VPS54: variants seen among roughly 807,000 people sequenced by gnomAD.
The protein encoded by VPS54 is vacuolar protein sorting-associated protein 54.
In VPS54, 45 loss-of-function variants were observed where a neutral mutation model predicts 121.5. The ratio of observed to expected loss-of-function variants is 0.37; its 90% CI spans 0.29 to 0.47. VPS54 has a LOEUF of 0.47. Ranked by LOEUF, VPS54 falls within the 20% of genes least tolerant of loss-of-function variation. The probability of loss-of-function intolerance (pLI) is 0.99; values close to 1 mark genes in which losing one functional copy is unlikely to be tolerated. For missense variants in VPS54, 1,090 were observed against 1,131.4 expected, an observed-to-expected ratio of 0.96 and a Z score of 0.52; for synonymous variants, 371 against 385.8, an observed-to-expected ratio of 0.96 and a Z score of 0.45.
At chr2:63,964,413 A>AC (rs1675897202) in intron 6 of VPS54, among the ~76,000 whole-genome samples, 1 of 152,166 alleles carries the variant, frequency 6.6e-6, no homozygotes, top group African/African-American at 2.4e-5. Context: ...AAAGGAAATA[A>AC]TTTTTAAATT....
At chr2:63,912,697 TA>T (rs761865686) in intron 18 of VPS54, 36 bp from the exon 19 acceptor site, 107,329 of 973,656 alleles carry the variant, frequency 0.11, 19 homozygotes, top group East Asian at 0.16. Context: ...AATGGAGAAA[TA>T]AAAAAAAAAA....
At chr2:63,981,382 C>T (rs1484359359) in intron 3 of VPS54, among the ~76,000 whole-genome samples, 6 of 152,074 alleles carry the variant, frequency 3.9e-5, no homozygotes, top group Non-Finnish European at 8.8e-5. Flanking sequence ...GAATCATTTT[C>T]TCCTTGGTAA....
chr2:63,978,562 A>G (rs915896580), intron 3 of VPS54, among the ~76,000 whole-genome samples: 2 of 152,226 alleles, frequency 1.3e-5, no homozygotes, highest in African/African-American at 4.8e-5. Flanking sequence ...TTCTTTGTGG[A>G]AAGGTATTTA....
At position 63,972,207 on chromosome 2, in the gene VPS54, G is replaced by A. The variant is rs1476069681; in HGVS notation, c.416C>T (p.Pro139Leu). 1 of 1,595,426 alleles carries A rather than the reference G, an allele frequency of 6.3e-7. No individual in the cohort carries two copies. Among genetic ancestry groups the A allele is most frequent in the Non-Finnish European group, 8.6e-7 (1 of 1,167,394 alleles). Residue 139 changes from proline (P) to leucine (L), a missense_variant, in exon 4 of 23, where the codon CCT (proline) becomes CTT (leucine). Transcript: ENST00000272322. The part of the protein sequence containing the change: ...KIHERCKNIC[P>L]PKDTFERTLL... ...AGTCCTTTCGAAGGTATCTTTAGGA[G>A]GACAAATATTCTTGCATCTCTCATG...
Position 64,019,076 on chromosome 2 carries a change from C to A in VPS54, c.-159G>T. 6.6e-6 allele frequency: 1 copy of A among 151,140 alleles called. No individual in the cohort carries two copies. Among genetic ancestry groups the A allele is most frequent in the South Asian group, 1.8e-4 (1 of 5,508 alleles). 9.4% of individuals were successfully genotyped at this position (151,140 alleles called of 1,614,324 possible). Reference sequence around the variant, plus strand: ...CCGGGCCCGAGCCCGGGTTCCCGCCCCCGCCCCGCGCCCGCTGGCCAGTCG... The same window carrying A: ...CCGGGCCCGAGCCCGGGTTCCCGCCACCGCCCCGCGCCCGCTGGCCAGTCG... On this transcript the variant is annotated 5_prime_UTR_variant, in exon 1 of 23. Transcript: ENST00000272322.
In VPS54 at chr2:63,965,861, C is replaced by T. The variant is rs1675969018; in HGVS notation, c.598G>A (p.Ala200Thr). 6.2e-7 allele frequency: 1 copy of T among 1,611,942 alleles called. No homozygotes were observed. Among genetic ancestry groups the T allele is most frequent in the African/African-American group, 1.3e-5 (1 of 74,828 alleles). The change falls in exon 6 of 23, where the codon GCT becomes ACT. Residue 200 changes from alanine (A) to threonine (T), a missense_variant. Physicochemically the swap from Ala to Thr is moderately conservative, Grantham distance 58. This residue lies in a region of VPS54 where 801 missense variants were observed against 757.0 expected (regional missense o/e 1.06). Coordinates refer to ENST00000272322, the MANE Select transcript of VPS54 (RefSeq NM_016516.3). Reference protein sequence around the residue: ...TAGGKGNRDAASSKLLQEKLS... With the variant: ...TAGGKGNRDATSSKLLQEKLS... ...TTTTCTTGAAGCAACTTTGAGGAAG[C>T]TGCATCACGATTTCCTTTTCCACCA...
At position 64,005,089 on chromosome 2, in the gene VPS54, C is replaced by CTTTTTTTTTTT. The variant is rs764515091; in HGVS notation, c.-21+13838_-21+13848dup. On this transcript the variant is annotated intron_variant, in intron 1 of 22. Transcript: ENST00000272322. Reference sequence around the variant, plus strand: ...TACCATGCCCAGTCTACTATTGCTTCTTTTTTTTTTTTTTTTTTTTTTTTT... The same window carrying CTTTTTTTTTTT: ...TACCATGCCCAGTCTACTATTGCTTCTTTTTTTTTTTTTTTTTTTTTTTTTTTTTTTTTTTT... 3.2e-3 allele frequency among the ~76,000 whole-genome samples: 143 copies of CTTTTTTTTTTT among 44,114 alleles called. 21 individuals carry two copies. The highest frequency in any genetic ancestry group is 5.3e-3 in the South Asian group (4 of 760). The allele number at this position is 44,114 out of a possible 152,430, so 28.9% of individuals were successfully genotyped here. A position where few individuals can be genotyped will look rare whatever the true frequency, so the allele number is the denominator to read the frequency against.
At chr2:63,938,082 G>GTGTGTGTGTGTGTC (rs1674545056) in intron 11 of VPS54, among the ~76,000 whole-genome samples, 1 of 151,430 alleles carries the variant, frequency 6.6e-6, no homozygotes, top group Non-Finnish European at 1.5e-5. Flanking sequence ...GTGTGTGTGT[G>GTGTGTGTGTGTGTC]TGTCTAGACA....
At chr2:63,996,939 T>TC (rs1355996958) in intron 1 of VPS54, among the ~76,000 whole-genome samples, 1 of 152,090 alleles carries the variant, frequency 6.6e-6, no homozygotes, top group Non-Finnish European at 1.5e-5. Context: ...ATACACTCCC[T>TC]CCCCTTTGAA....
At chr2:63,937,754 T>C (rs78552564) in intron 11 of VPS54, among the ~76,000 whole-genome samples, 4,777 of 152,182 alleles carry the variant, frequency 0.031, 254 homozygotes, top group African/African-American at 0.11. Flanking sequence ...CAAATGTCCA[T>C]TGATGAATGG....
At chr2:63,969,879 T>C (rs565415848) in intron 4 of VPS54, among the ~76,000 whole-genome samples, 1 of 151,950 alleles carries the variant, frequency 6.6e-6, no homozygotes, top group African/African-American at 2.4e-5. Flanking sequence ...GTTTAAAAGA[T>C]CTATCATCCC....
At chr2:63,985,283 T>C (rs1467906151) in intron 1 of VPS54, among the ~76,000 whole-genome samples, 2 of 152,022 alleles carry the variant, frequency 1.3e-5, no homozygotes, top group Admixed American at 6.6e-5. Flanking sequence ...CACGCCACTA[T>C]ACTCCAGCCT....
intron 20 of VPS54, among the ~76,000 whole-genome samples, chr2:63,905,009 A>G (rs910070187): frequency 8.5e-5 from 13 of 152,222 alleles, no homozygotes; most frequent in Non-Finnish European, 1.3e-4. Context: ...AAATAAAAAT[A>G]AAAGCACAAA....
chr2:63,957,441 C>CAAAAAAAAAAAAAAAAAAAAAAAAAA (rs10551633), intron 7 of VPS54, among the ~76,000 whole-genome samples: 1 of 90,118 alleles, frequency 1.1e-5, no homozygotes, highest in Non-Finnish European at 2.3e-5. Context: ...GACTCCATCT[C>CAAAAAAAAAAAAAAAAAAAAAAAAAA]AAAAAAAAAA....
chr2:63,907,330 C>T (rs2104419896), intron 20 of VPS54, among the ~76,000 whole-genome samples: 1 of 152,000 alleles, frequency 6.6e-6, no homozygotes, highest in South Asian at 2.1e-4. Context: ...ACCAGCCTGA[C>T]CAACATGGAG....
Position 63,947,366 on chromosome 2 carries a change from TA to T in VPS54, c.1245+16del. 1 of 1,524,944 alleles carries T rather than the reference TA, an allele frequency of 6.6e-7. No individual in the cohort carries two copies. Among genetic ancestry groups the T allele is most frequent in the Non-Finnish European group, 8.9e-7 (1 of 1,126,764 alleles). 94.5% of individuals were successfully genotyped at this position (1,524,944 alleles called of 1,614,324 possible). A position where few individuals can be genotyped will look rare whatever the true frequency, so the allele number is the denominator to read the frequency against. On this transcript the variant is annotated intron_variant, in intron 9 of 22. Transcript: ENST00000272322. ...AGGTTCCAGACCAAAATATGTCAAA[TA>T]AAAATGCATAATTACCTGTTTAATG...
rs1222555431 is a variant in VPS54, at chr2:63,968,929, C to G, written c.492+28G>C. 1.6e-5 allele frequency: 26 copies of G among 1,579,382 alleles called. No homozygotes were observed. In the Admixed American group the frequency reaches 4.9e-4, roughly 30 times the overall value. On this transcript the variant is annotated intron_variant, in intron 5 of 22. Coordinates refer to ENST00000272322, the MANE Select transcript of VPS54 (RefSeq NM_016516.3). ...AAATTAAAGATCAAATATTATAAGG[C>G]AATTTTCTCATGTTTAAGCTTTGTT...
At chr2:63,991,009 C>G (rs12464534) in intron 1 of VPS54, among the ~76,000 whole-genome samples, 99,845 of 152,012 alleles carry the variant, frequency 0.66, 33,612 homozygotes, top group Non-Finnish European at 0.71. Context: ...CTGGTGGTCA[C>G]AAGAGGCCCA....
intron 7 of VPS54, among the ~76,000 whole-genome samples, chr2:63,959,587 A>G (rs115084563): frequency 2.0e-5 from 3 of 152,348 alleles, no homozygotes; most frequent in African/African-American, 7.2e-5. Flanking sequence ...AGTCTTTTTA[A>G]AAATCATAAA....
Sources: allele counts gnomAD v4.1 joint callset (sites outside exome capture counted in the v4.1 genomes callset), GRCh38; gene constraint gnomAD v4.1.1; regional missense constraint gnomAD v4.1.1; transcripts MANE v1.5; gene names NCBI Gene and HGNC (gene_info 2026-07-23, HGNC 2026-07-21).